Variants in CEP126 observed in about 807,000 individuals in gnomAD.
CEP126 encodes the protein centrosomal protein of 126 kDa.
CEP126 carries 74 observed loss-of-function variants against 107.8 expected under a neutral mutation model. The ratio of observed to expected loss-of-function variants is 0.69; its 90% confidence interval spans 0.57 to 0.83. CEP126 has a LOEUF of 0.83. Ranked by LOEUF, CEP126 falls within the 40% of genes least tolerant of loss-of-function variation. The pLI is 0.00. For synonymous variants in CEP126, 449 were observed against 446.0 expected, an observed-to-expected ratio of 1.01 and a Z score of -0.08; for missense variants, 1,237 against 1,281.9, an observed-to-expected ratio of 0.96 and a Z score of 0.53.
intron 2 of CEP126, among the ~76,000 whole-genome samples, chr11:101,923,239 G>T (rs1940359511): frequency 6.6e-6 from 1 of 152,080 alleles, no homozygotes; most frequent in African/African-American, 2.4e-5. Context: ...GGAAAAATAT[G>T]AATAATGGTA....
chr11:101,960,610 T>C (rs1240322126), intron 5 of CEP126, among the ~76,000 whole-genome samples: 4 of 152,152 alleles, frequency 2.6e-5, no homozygotes, highest in Non-Finnish European at 5.9e-5. Context: ...TCATGAATAA[T>C]TTTTAAAACT....
chr11:101,985,368 C>T (rs566109756), intron 8 of CEP126, among the ~76,000 whole-genome samples: 66 of 151,684 alleles, frequency 4.4e-4, no homozygotes, highest in Admixed American at 3.6e-3. Context: ...TTGCAACCTC[C>T]GCCTCTCAAG....
chr11:101,955,796 A>G, intron 4 of CEP126: 2 of 446,766 alleles, frequency 4.5e-6, no homozygotes, highest in South Asian at 1.6e-5. Flanking sequence ...GTGCAGATCC[A>G]TTCCTGCCTG....
intron 6 of CEP126, among the ~76,000 whole-genome samples, chr11:101,971,130 G>T (rs538282914): frequency 2.0e-5 from 3 of 152,060 alleles, no homozygotes; most frequent in Non-Finnish European, 4.4e-5. Flanking sequence ...ACCATGCCTG[G>T]CTAATTTTTT....
intron 2 of CEP126, among the ~76,000 whole-genome samples, chr11:101,941,235 AT>A (rs1437269709): frequency 6.6e-6 from 1 of 152,122 alleles, no homozygotes; most frequent in African/African-American, 2.4e-5. Context: ...CATCATCATT[AT>A]CTGTCTCCAA....
chr11:101,984,996 T>C (rs1941299475), intron 8 of CEP126, among the ~76,000 whole-genome samples: 1 of 152,236 alleles, frequency 6.6e-6, no homozygotes, highest in South Asian at 2.1e-4. Context: ...CCTGAACACA[T>C]TATTTTCTGA....
intron 6 of CEP126, among the ~76,000 whole-genome samples, chr11:101,964,573 G>A (rs1941036944): frequency 6.6e-6 from 1 of 151,542 alleles, no homozygotes; most frequent in South Asian, 2.1e-4. Context: ...GGAGGAGGAG[G>A]TTTCAGTGAG....
At chr11:101,970,522 C>T (rs573644741) in intron 6 of CEP126, among the ~76,000 whole-genome samples, 2 of 150,200 alleles carry the variant, frequency 1.3e-5, no homozygotes, top group African/African-American at 4.9e-5. Flanking sequence ...TCAATTCATG[C>T]ACTTTTCTAT....
intron 5 of CEP126, among the ~76,000 whole-genome samples, chr11:101,961,109 A>C (rs1387933986): frequency 2.6e-5 from 4 of 152,074 alleles, no homozygotes; most frequent in Admixed American, 6.5e-5. Flanking sequence ...TTGAGCCTAA[A>C]CCCATATGAA....
chr11:101,938,159 C>CAAAAAAAAAAAAAAAAAAAA (rs1491167740), intron 2 of CEP126, among the ~76,000 whole-genome samples: 6 of 39,246 alleles, frequency 1.5e-4, no homozygotes, highest in South Asian at 8.2e-4. Context: ...GACTCTGTCT[C>CAAAAAAAAAAAAAAAAAAAA]AAAAAAAAAA....
chr11:101,924,028 T>G (rs1940371294), intron 2 of CEP126, among the ~76,000 whole-genome samples: 1 of 152,220 alleles, frequency 6.6e-6, no homozygotes, highest in African/African-American at 2.4e-5. Flanking sequence ...TAATCAACTT[T>G]AATAGCAAGC....
At chr11:101,918,672 C>T (rs1214537667) in intron 1 of CEP126, among the ~76,000 whole-genome samples, 1 of 152,050 alleles carries the variant, frequency 6.6e-6, no homozygotes, top group Non-Finnish European at 1.5e-5. Context: ...TCATATCTAC[C>T]CCAGAGAATT....
At position 101,923,636 on chromosome 11, in the gene CEP126, T is replaced by C. The variant is rs1297912555; in HGVS notation, c.248+876T>C. The stretch of plus-strand genomic sequence containing the variant: ...TTATTGTCTGATGTAGTTGAAATTA[T>C]TTACTGAAATTTAGAATTTTATTTT... On this transcript the variant is annotated intron_variant, in intron 2 of 10. Coordinates refer to ENST00000263468, the MANE Select transcript of CEP126 (RefSeq NM_020802.4). 8.5e-5 allele frequency among the ~76,000 whole-genome samples: 13 copies of C among 152,344 alleles called. No individual in the cohort carries two copies. The East Asian group carries it at 2.3e-3, about 27-fold the overall frequency.
At chr11:101,921,777 C>CTTTTTTTTTTTTTTTTTTT (rs747642967) in intron 1 of CEP126, among the ~76,000 whole-genome samples, 1 of 55,004 alleles carries the variant, frequency 1.8e-5, no homozygotes, top group Non-Finnish European at 3.3e-5. Flanking sequence ...TTCATGATTT[C>CTTTTTTTTTTTTTTTTTTT]TTTTTTTTTT....
intron 6 of CEP126, among the ~76,000 whole-genome samples, chr11:101,973,187 T>C (rs1427022227): frequency 1.3e-5 from 2 of 152,220 alleles, no homozygotes; most frequent in African/African-American, 4.8e-5. Flanking sequence ...TACTAGGTAA[T>C]CCAAAATGTT....
intron 4 of CEP126, among the ~76,000 whole-genome samples, chr11:101,957,551 G>T (rs965747667): frequency 6.6e-6 from 1 of 152,132 alleles, no homozygotes; most frequent in African/African-American, 2.4e-5. Flanking sequence ...TTAAGGGTAC[G>T]CTTCTGTGGC....
chr11:101,977,449 G>A (rs1262084992), intron 6 of CEP126, among the ~76,000 whole-genome samples: 2 of 151,666 alleles, frequency 1.3e-5, no homozygotes, highest in African/African-American at 4.8e-5. Context: ...TGGCCAACAT[G>A]GTGAAACCCC....
chr11:101,983,202 G>A (rs531854501), intron 8 of CEP126, among the ~76,000 whole-genome samples: 1 of 152,284 alleles, frequency 6.6e-6, no homozygotes, highest in South Asian at 2.1e-4. Context: ...AGAAAAAGAG[G>A]AAACATTTCT....
intron 3 of CEP126, among the ~76,000 whole-genome samples, 159 bp downstream of exon 3, chr11:101,944,569 T>C (rs932164112): frequency 3.3e-5 from 5 of 152,168 alleles, no homozygotes; most frequent in African/African-American, 9.7e-5. Context: ...AAATAGTCAA[T>C]TGATTTAGGT....
Sources: allele counts gnomAD v4.1 joint callset (sites outside exome capture counted in the v4.1 genomes callset), GRCh38; gene constraint gnomAD v4.1.1; transcripts MANE v1.5; gene names NCBI Gene and HGNC (gene_info 2026-07-23, HGNC 2026-07-21).